SPTSSB: variants seen among roughly 807,000 people sequenced by gnomAD.
The protein encoded by SPTSSB is serine palmitoyltransferase small subunit B, also known as androgen down regulated in mouse prostate.
SPTSSB carries 6 observed loss-of-function variants against 7.7 expected under a neutral mutation model. The observed-to-expected ratio is 0.78, with a 90% CI of 0.43 to 1.54. SPTSSB has a LOEUF of 1.54. Ranked by LOEUF, SPTSSB falls within the 40% of genes most tolerant of loss-of-function variation. The probability of loss-of-function intolerance (pLI) is 0.01; values close to 1 mark genes in which losing one functional copy is unlikely to be tolerated. For missense variants in SPTSSB, 91 were observed against 93.0 expected (o/e 0.98, Z 0.09); for synonymous variants, 28 against 29.7 (o/e 0.94, Z 0.19).
At chr3:161,346,393 A>C (rs1319054376) in intron 2 of SPTSSB, 38 bp from the exon 3 acceptor site, 7 of 1,070,038 alleles carry the variant, frequency 6.5e-6, no homozygotes, top group Non-Finnish European at 8.6e-6. Context: ...ATGAGGAACC[A>C]AACATAGAAT....
chr3:161,370,477 G>A (rs1715460792), intron 1 of SPTSSB, among the ~76,000 whole-genome samples: 1 of 152,106 alleles, frequency 6.6e-6, no homozygotes, highest in Non-Finnish European at 1.5e-5. Context: ...AAACAGCATA[G>A]GAATAATTCA....
chr3:161,354,533 G>T (rs991429334), intron 2 of SPTSSB, among the ~76,000 whole-genome samples: 74 of 152,262 alleles, frequency 4.9e-4, no homozygotes, highest in African/African-American at 1.8e-3. Context: ...TTTTGTAGAG[G>T]CCAGGTTGTA....
chr3:161,371,486 C>T lies in SPTSSB; in HGVS notation c.-177G>A. The T allele has an allele frequency of 3.0e-6, 3 of 985,552 alleles. No individual in the cohort carries two copies. The highest frequency in any genetic ancestry group is 3.6e-6 in the Non-Finnish European group (3 of 830,020). 61.1% of individuals were successfully genotyped at this position (985,552 alleles called of 1,614,324 possible). A position where few individuals can be genotyped will look rare whatever the true frequency, so the allele number is the denominator to read the frequency against. The stretch of plus-strand genomic sequence containing the variant: ...GCTTAGGTGAGCGCCGAGGCTTTGG[C>T]TCCTCCCCAGCTGCTGCGAGCTTCC... On this transcript the variant is annotated 5_prime_UTR_variant, in exon 1 of 3. Transcript: ENST00000620149.
intron 2 of SPTSSB, chr3:161,347,883 A>C (rs998967323): frequency 1.3e-5 from 2 of 152,164 alleles, no homozygotes. Context: ...TCAAAAAACA[A>C]ACAAACTGCA....
At chr3:161,359,278 T>C (rs1251713163) in intron 2 of SPTSSB, 1 of 152,242 alleles carries the variant, frequency 6.6e-6, no homozygotes, top group East Asian at 1.9e-4. Context: ...TCTGATCTGG[T>C]TAATTAAATG....
chr3:161,367,617 A>G (rs996066094), intron 1 of SPTSSB, among the ~76,000 whole-genome samples: 1 of 152,226 alleles, frequency 6.6e-6, no homozygotes, highest in African/African-American at 2.4e-5. Context: ...GAATAGAGGA[A>G]CATATTAATT....
At chr3:161,350,620 CTCTT>C (rs1323149800) in intron 2 of SPTSSB, among the ~76,000 whole-genome samples, 1 of 152,086 alleles carries the variant, frequency 6.6e-6, no homozygotes, top group East Asian at 1.9e-4. Flanking sequence ...TAAAAAGAGA[CTCTT>C]TCTGTACTCA....
At chr3:161,348,919 A>G (rs747527172) in intron 2 of SPTSSB, among the ~76,000 whole-genome samples, 5 of 152,190 alleles carry the variant, frequency 3.3e-5, no homozygotes, top group Non-Finnish European at 7.3e-5. Context: ...GCTACAATCT[A>G]TTGTTAGAAT....
Position 161,346,311 on chromosome 3 carries a change from G to T in SPTSSB, c.13C>A (p.Arg5Ser), listed in dbSNP as rs144350794. 4.5e-5 allele frequency: 72 copies of T among 1,610,698 alleles called. 1 individual carries two copies. Among genetic ancestry groups the T allele is most frequent in the African/African-American group, 1.3e-5 (1 of 74,832 alleles). ...AGCCAGGAGAAATATTCCTTCACAC[G>T]CCTCAAATCCATGGTTGGCTCCTTC... is the stretch of plus-strand genomic sequence containing the variant. MDLR[R>S]VKEYFSWLYY... Residue 5 changes from arginine to serine, a missense_variant, in exon 3 of 3, where the codon CGT becomes AGT. Transcript: ENST00000620149.
In SPTSSB at chr3:161,346,319, T is replaced by C. The variant is rs770597996; in HGVS notation, c.5A>G (p.Asp2Gly). 3 of 1,607,716 alleles carry C rather than the reference T, an allele frequency of 1.9e-6. No homozygotes were observed. The highest frequency in any genetic ancestry group is 2.6e-6 in the Non-Finnish European group (3 of 1,174,456). ...GAAATATTCCTTCACACGCCTCAAA[T>C]CCATGGTTGGCTCCTTCAAGCTGCA... M[D>G]LRRVKEYFSW... Residue 2 changes from aspartate to glycine, a missense_variant, in exon 3 of 3, where the codon GAT becomes GGT. Coordinates refer to ENST00000620149, the MANE Select transcript of SPTSSB (RefSeq NM_001040100.2).
intron 1 of SPTSSB, among the ~76,000 whole-genome samples, chr3:161,370,823 T>C (rs772289533): frequency 1.3e-5 from 2 of 152,230 alleles, no homozygotes; most frequent in Non-Finnish European, 2.9e-5. Flanking sequence ...CCCACCTTCT[T>C]CATCCCCATG....
At chr3:161,355,785 A>T (rs1209237868) in intron 2 of SPTSSB, among the ~76,000 whole-genome samples, 2 of 152,212 alleles carry the variant, frequency 1.3e-5, no homozygotes, top group Non-Finnish European at 2.9e-5. Flanking sequence ...TATACTTAAC[A>T]CCACTTAACT....
At chr3:161,358,233 T>G (rs1177772719) in intron 2 of SPTSSB, among the ~76,000 whole-genome samples, 1 of 152,034 alleles carries the variant, frequency 6.6e-6, no homozygotes, top group African/African-American at 2.4e-5. Context: ...ATGCCTAACT[T>G]AAATTATCCC....
At chr3:161,348,644 C>G (rs336576) in intron 2 of SPTSSB, among the ~76,000 whole-genome samples, 13,285 of 152,236 alleles carry the variant, frequency 0.087, 718 homozygotes, top group East Asian at 0.24. Flanking sequence ...TTAAATCTGG[C>G]TGTTTTAAAT....
chr3:161,361,236 G>GA (rs1405470098), intron 1 of SPTSSB, among the ~76,000 whole-genome samples: 1 of 152,050 alleles, frequency 6.6e-6, no homozygotes, highest in African/African-American at 2.4e-5. Flanking sequence ...TGAATCTTAG[G>GA]AAAAACTTTA....
intron 2 of SPTSSB, 121 bp from the exon 3 acceptor site, chr3:161,346,476 TA>T: frequency 1.9e-6 from 1 of 526,926 alleles, no homozygotes; most frequent in East Asian, 3.1e-5. Flanking sequence ...AATATATTAT[TA>T]ATATATGAAT....
chr3:161,360,910 C>T (rs1714983992), intron 1 of SPTSSB, among the ~76,000 whole-genome samples: 1 of 151,972 alleles, frequency 6.6e-6, no homozygotes, highest in South Asian at 2.1e-4. Flanking sequence ...ATATGACTGC[C>T]AAATAAATAA....
chr3:161,363,164 A>C (rs899379974), intron 1 of SPTSSB, among the ~76,000 whole-genome samples: 2 of 151,782 alleles, frequency 1.3e-5, no homozygotes, highest in Non-Finnish European at 2.9e-5. Context: ...ATTTTAGAGA[A>C]GACCAAATGT....
chr3:161,370,007 G>A (rs1429139114), intron 1 of SPTSSB, among the ~76,000 whole-genome samples: 1 of 152,168 alleles, frequency 6.6e-6, no homozygotes, highest in Non-Finnish European at 1.5e-5. Flanking sequence ...TTTTTAGGGA[G>A]TGGATTTGAA....
Sources: gnomAD v4.1 joint callset for allele counts (sites outside exome capture counted in the v4.1 genomes callset) on GRCh38, gnomAD v4.1.1 for gene constraint, MANE v1.5 for transcripts, NCBI Gene and HGNC (gene_info 2026-07-23, HGNC 2026-07-21) for gene names.